Variants in FZD6 observed in about 807,000 individuals in gnomAD.
FZD6 encodes frizzled class receptor 6.
A neutral mutation model predicts 61.4 loss-of-function variants in FZD6; 49 were observed. That is an observed-to-expected ratio of 0.80 (90% CI 0.63 to 1.01). FZD6 has a LOEUF of 1.01. Ranked by LOEUF, FZD6 falls within the 50% of genes least tolerant of loss-of-function variation. FZD6 has a pLI of 0.00. For synonymous variants in FZD6, 265 were observed against 292.2 expected, an observed-to-expected ratio of 0.91 and a Z score of 0.95; for missense variants, 724 against 848.2, an observed-to-expected ratio of 0.85 and a Z score of 1.82.
chr8:103,320,153 T>C lies in FZD6; in HGVS notation c.374+1367T>C, dbSNP rs1006567053. On this transcript the variant is annotated intron_variant, in intron 3 of 6. Coordinates refer to ENST00000358755, the MANE Select transcript of FZD6 (RefSeq NM_003506.4). ...AGTTGTTGCAATAATTTCTTTCTGATGGTTTCTATTTCCATTGTGACATAG... is the reference window on the plus strand; with the variant it reads ...AGTTGTTGCAATAATTTCTTTCTGACGGTTTCTATTTCCATTGTGACATAG... Among the ~76,000 whole-genome samples the C allele has an allele frequency of 3.9e-5, 6 of 152,192 alleles. No homozygotes were observed. In the South Asian group the frequency reaches 1.2e-3, roughly 31 times the overall value.
intron 4 of FZD6, 107 bp downstream of exon 4, chr8:103,325,605 A>T: frequency 1.1e-6 from 1 of 925,848 alleles, no homozygotes; most frequent in Non-Finnish European, 1.8e-6. Context: ...GTGAGAAAAT[A>T]CAAGAGCCAT....
At chr8:103,304,709 G>T (rs1814281053) in intron 2 of FZD6, among the ~76,000 whole-genome samples, 1 of 152,204 alleles carries the variant, frequency 6.6e-6, no homozygotes, top group Non-Finnish European at 1.5e-5. Flanking sequence ...TGGCCCAGGG[G>T]CTACAGTTTG....
Position 103,329,638 on chromosome 8 carries a change from C to T in FZD6, c.1542-17C>T, listed in dbSNP as rs1487210565. On this transcript the variant is annotated splice_polypyrimidine_tract_variant and intron_variant, in intron 5 of 6. Transcript: ENST00000358755. ...ACTTCTAATTTGAGTAAATCCTCTC[C>T]TTCAATTTTCTTATAGTCCAATCAG... is the stretch of plus-strand genomic sequence containing the variant. 1.3e-6 allele frequency: 2 copies of T among 1,578,172 alleles called. No individual in the cohort carries two copies. The highest frequency in any genetic ancestry group is 1.1e-5 in the South Asian group (1 of 90,010).
intron 3 of FZD6, among the ~76,000 whole-genome samples, chr8:103,322,464 T>C (rs752452056): frequency 3.3e-5 from 5 of 152,080 alleles, no homozygotes; most frequent in Admixed American, 6.6e-5. Flanking sequence ...GTGAATAAAC[T>C]TGATGAATAC....
intron 2 of FZD6, chr8:103,307,780 A>G (rs553997353): frequency 1.4e-4 from 65 of 455,910 alleles, no homozygotes; most frequent in Non-Finnish European, 1.2e-4. Flanking sequence ...CAGAAAAGGA[A>G]TTGATTATAA....
rs143400765 is a variant in FZD6 at position 103,329,013 on chromosome 8, T to TTTTTTATATATATATA, written c.1541+598_1541+599insTTTTATATATATATAT. On this transcript the variant is annotated intron_variant, in intron 5 of 6. Coordinates refer to ENST00000358755, the MANE Select transcript of FZD6 (RefSeq NM_003506.4). ...TATTTATGAGTAATTCATTTTAGTT[T>TTTTTTATATATATATA]TATATATATATATATATATGCACAC... Among the ~76,000 whole-genome samples, 804 of 115,156 alleles carry TTTTTTATATATATATA rather than the reference T, an allele frequency of 7.0e-3. 12 individuals are homozygous for TTTTTTATATATATATA. The highest frequency in any genetic ancestry group is 0.021 in the African/African-American group (716 of 33,898). The allele number at this position is 115,156 out of a possible 152,430, so 75.5% of individuals were successfully genotyped here.
intron 2 of FZD6, 80 bp from the exon 3 acceptor site, chr8:103,318,510 A>T (rs938998403): frequency 1.5e-5 from 13 of 843,072 alleles, no homozygotes; most frequent in African/African-American, 1.5e-4. Flanking sequence ...GAAAAAGCAT[A>T]TACTTTAAAC....
intron 2 of FZD6, among the ~76,000 whole-genome samples, chr8:103,311,690 A>C (rs1043362119): frequency 6.6e-6 from 1 of 151,652 alleles, no homozygotes; most frequent in Non-Finnish European, 1.5e-5. Flanking sequence ...TTAAAAAAAA[A>C]AAAAAAAAAA....
At chr8:103,317,511 T>A (rs760617828) in intron 2 of FZD6, among the ~76,000 whole-genome samples, 2 of 151,874 alleles carry the variant, frequency 1.3e-5, no homozygotes, top group Non-Finnish European at 2.9e-5. Context: ...TTAGACTGGG[T>A]GGTAATAGTG....
At position 103,324,929 on chromosome 8, in the gene FZD6, C is replaced by T. The variant is rs748090004; in HGVS notation, c.823C>T (p.Leu275=). The T allele has an allele frequency of 1.2e-6, 2 of 1,614,040 alleles. No homozygotes were observed. Among genetic ancestry groups the T allele is most frequent in the African/African-American group, 1.3e-5 (1 of 75,028 alleles). The change falls in exon 4 of 7, where the codon CTA becomes TTA. Residue 275 remains leucine (L), a synonymous_variant. Transcript: ENST00000358755. ...EKLELGDTVV[L]GSQNKACTVL... is the part of the protein sequence containing the mutation. Reference sequence around the variant, plus strand: ...GCTAGAACTTGGTGACACTGTTGTCCTAGGCTCTCAAAATAAGGCTTGCAC... The same window carrying T: ...GCTAGAACTTGGTGACACTGTTGTCTTAGGCTCTCAAAATAAGGCTTGCAC...
intron 4 of FZD6, among the ~76,000 whole-genome samples, chr8:103,327,806 T>A (rs972962761): frequency 4.6e-5 from 7 of 152,156 alleles, no homozygotes; most frequent in African/African-American, 1.7e-4. Flanking sequence ...TTTCGCATTT[T>A]ACTGATACTT....
chr8:103,306,541 T>C (rs1028928491), intron 2 of FZD6, among the ~76,000 whole-genome samples: 1 of 131,284 alleles, frequency 7.6e-6, no homozygotes, highest in African/African-American at 2.9e-5. Context: ...TCTCGTTCTG[T>C]CACCCAGGCT....
chr8:103,331,752 G>A lies in FZD6; in HGVS notation c.*243G>A, dbSNP rs893840152. ...TAATATTTTTTTAATAGTGTGGGAG[G>A]ACAGAGTTAGAGGAATCTTCCTTTT... On this transcript the variant is annotated 3_prime_UTR_variant, in exon 7 of 7. Coordinates refer to ENST00000358755, the MANE Select transcript of FZD6 (RefSeq NM_003506.4). 5.0e-5 allele frequency: 22 copies of A among 437,780 alleles called. No individual in the cohort carries two copies. The highest frequency in any genetic ancestry group is 2.1e-4 in the Admixed American group (6 of 28,058). 27.1% of individuals were successfully genotyped at this position (437,780 alleles called of 1,614,324 possible).
chr8:103,325,417 T>C lies in FZD6; in HGVS notation c.1311T>C (p.Tyr437=), dbSNP rs139553256. ...TGACACTTCTCGGATGTTACGTCTA[T>C]GAGCAAGTGAACAGGATTACCTGGG... is the stretch of plus-strand genomic sequence containing the variant. The part of the protein sequence containing the change: ...PLVTLLGCYV[Y]EQVNRITWEI... Residue 437 remains tyrosine, a synonymous_variant, in exon 4 of 7, where the codon TAT becomes TAC. Coordinates refer to ENST00000358755, the MANE Select transcript of FZD6 (RefSeq NM_003506.4). The C allele has an allele frequency of 6.2e-7, 1 of 1,613,412 alleles. No individual in the cohort carries two copies. The highest frequency in any genetic ancestry group is 1.3e-5 in the African/African-American group (1 of 74,898).
intron 2 of FZD6, among the ~76,000 whole-genome samples, chr8:103,307,499 A>G (rs1814372189): frequency 6.6e-6 from 1 of 152,056 alleles, no homozygotes; most frequent in South Asian, 2.1e-4. Context: ...GGGAATGTAA[A>G]ACAACCTATC....
Position 103,332,101 on chromosome 8 carries a change from C to G in FZD6, c.*592C>G, listed in dbSNP as rs535316523. 5.2e-5 allele frequency: 8 copies of G among 152,694 alleles called. No homozygotes were observed. Among genetic ancestry groups the G allele is most frequent in the Non-Finnish European group, 1.2e-4 (8 of 68,460 alleles). 9.5% of individuals were successfully genotyped at this position (152,694 alleles called of 1,614,324 possible). ...TATAATAGGAATTTAACTTTAAAAA[C>G]CCACTTATTGATACCTTACCATCTA... is the stretch of plus-strand genomic sequence containing the variant. On this transcript the variant is annotated 3_prime_UTR_variant, in exon 7 of 7. Coordinates refer to ENST00000358755, the MANE Select transcript of FZD6 (RefSeq NM_003506.4).
Position 103,324,881 on chromosome 8 carries a change from G to A in FZD6, c.775G>A (p.Ala259Thr), listed in dbSNP as rs1178027003. The A allele has an allele frequency of 6.2e-7, 1 of 1,613,938 alleles. No individual in the cohort carries two copies. Among genetic ancestry groups the A allele is most frequent in the Non-Finnish European group, 8.5e-7 (1 of 1,179,950 alleles). ...TGGATTTTTGCTAGGCGATAGCACA[G>A]CCTGCAATAAGGCAGATGAGAAGCT... ...FIGFLLGDST[A>T]CNKADEKLEL... is the part of the protein sequence containing the mutation. Residue 259 changes from alanine to threonine, a missense_variant, in exon 4 of 7, where the codon GCC becomes ACC. Physicochemically the swap from Ala to Thr is moderately conservative, Grantham distance 58. Coordinates refer to ENST00000358755, the MANE Select transcript of FZD6 (RefSeq NM_003506.4).
intron 6 of FZD6, 28 bp from the exon 7 acceptor site, chr8:103,331,313 G>A: frequency 6.5e-7 from 1 of 1,531,486 alleles, no homozygotes; most frequent in Non-Finnish European, 9.1e-7. Flanking sequence ...GTGGATGTGT[G>A]TGTGTCAACT....
At chr8:103,320,710 G>A (rs187400522) in intron 3 of FZD6, among the ~76,000 whole-genome samples, 1 of 152,234 alleles carries the variant, frequency 6.6e-6, no homozygotes, top group Admixed American at 6.5e-5. Flanking sequence ...CTTGCAGGTT[G>A]TGGCAGGGTT....
Sources: allele counts gnomAD v4.1 joint callset (sites outside exome capture counted in the v4.1 genomes callset), GRCh38; gene constraint gnomAD v4.1.1; transcripts MANE v1.5; gene names NCBI Gene and HGNC (gene_info 2026-07-23, HGNC 2026-07-21).